KIF26A: variants seen among roughly 807,000 people sequenced by gnomAD.
KIF26A encodes kinesin-like protein KIF26A.
KIF26A carries 74 observed loss-of-function variants against 126.0 expected under a neutral mutation model. That is an observed-to-expected ratio of 0.59 (90% CI 0.49 to 0.71). The LOEUF (loss-of-function observed/expected upper bound fraction) is 0.71, where lower values mean the gene tolerates loss of function less well. KIF26A is among the 30% of genes least tolerant of loss of function. The pLI, the probability that KIF26A is intolerant of heterozygous loss-of-function variation, is 0.00. For synonymous variants in KIF26A, 1,445 were observed against 1,232.7 expected, an observed-to-expected ratio of 1.17 and a Z score of -3.61; for missense variants, 2,984 against 2,763.3, an observed-to-expected ratio of 1.08 and a Z score of -1.79.
chr14:104,162,218 C>G (rs1419859729), intron 4 of KIF26A, among the ~76,000 whole-genome samples: 1 of 152,200 alleles, frequency 6.6e-6, no homozygotes, highest in East Asian at 1.9e-4. Context: ...GGGGTGCAGC[C>G]TGTTGGCGAT....
Position 104,173,694 on chromosome 14 carries a change from TTGTGGTTCCA to T in KIF26A, c.1868-11_1868-2del. 6.2e-7 allele frequency: 1 copy of T among 1,610,186 alleles called. No individual in the cohort carries two copies. The highest frequency in any genetic ancestry group is 8.5e-7 in the Non-Finnish European group (1 of 1,179,238). On this transcript the variant is annotated splice_acceptor_variant and splice_polypyrimidine_tract_variant and intron_variant, in intron 9 of 14. Transcript: ENST00000423312. LOFTEE classifies it high-confidence loss of function. The stretch of plus-strand genomic sequence containing the variant: ...CTGGCTACACCATCATTTGCTTGCC[TTGTGGTTCCA>T]GTGTCCGGAGGCCGCAGCCGCCTGC...
chr14:104,142,917 G>A (rs960014061), intron 2 of KIF26A, among the ~76,000 whole-genome samples: 1 of 152,116 alleles, frequency 6.6e-6, no homozygotes. Context: ...CCGGCTATCC[G>A]CCCCTCAAAA....
At chr14:104,178,368 G>C (rs1396280327) in intron 12 of KIF26A, among the ~76,000 whole-genome samples, 182 bp from the exon 13 acceptor site, 1 of 152,086 alleles carries the variant, frequency 6.6e-6, no homozygotes, top group Non-Finnish European at 1.5e-5. Context: ...CTTGAGAGCT[G>C]TGGGCCTGGC....
In KIF26A at chr14:104,138,601, C is replaced by A; in HGVS notation, c.-122C>A. 2 of 768,060 alleles carry A rather than the reference C, an allele frequency of 2.6e-6. No individual in the cohort carries two copies. Among genetic ancestry groups the A allele is most frequent in the Non-Finnish European group, 3.4e-6 (2 of 583,876 alleles). The allele number at this position is 768,060 out of a possible 1,614,324, so 47.6% of individuals were successfully genotyped here. On this transcript the variant is annotated 5_prime_UTR_variant, in exon 1 of 15. Transcript: ENST00000423312. ...CTCCTCGCGACACTCGCAGGCTCTGCGAACTTCCGAGCGGCTGGGCCGGGC... is the reference window on the plus strand; with the variant it reads ...CTCCTCGCGACACTCGCAGGCTCTGAGAACTTCCGAGCGGCTGGGCCGGGC...
At chr14:104,145,540 G>C (rs906513124) in intron 2 of KIF26A, among the ~76,000 whole-genome samples, 1 of 152,206 alleles carries the variant, frequency 6.6e-6, no homozygotes, top group South Asian at 2.1e-4. Context: ...TGGGATGGTC[G>C]TGCTTGCGTC....
At chr14:104,155,676 G>C (rs1455148231) in intron 3 of KIF26A, among the ~76,000 whole-genome samples, 1 of 152,256 alleles carries the variant, frequency 6.6e-6, no homozygotes, top group Non-Finnish European at 1.5e-5. Context: ...CGTCCCGGCG[G>C]ATGGGGCGGT....
intron 2 of KIF26A, among the ~76,000 whole-genome samples, chr14:104,143,921 G>T (rs112867021): frequency 2.8e-4 from 42 of 152,250 alleles, no homozygotes; most frequent in Non-Finnish European, 4.4e-4. Context: ...GGCAGGCGGG[G>T]CACTGGCTAA....
intron 2 of KIF26A, among the ~76,000 whole-genome samples, chr14:104,147,003 A>G (rs2037686136): frequency 6.6e-6 from 1 of 151,968 alleles, no homozygotes. Flanking sequence ...CTGCCCAGGG[A>G]TGCCTGGGGC....
At chr14:104,156,999 G>GA (rs1188087475) in intron 3 of KIF26A, among the ~76,000 whole-genome samples, 3 of 152,148 alleles carry the variant, frequency 2.0e-5, no homozygotes, top group Non-Finnish European at 1.5e-5. Context: ...AGGGGCCGGG[G>GA]CGAGGGGTGG....
chr14:104,174,359 G>A, intron 11 of KIF26A, 49 bp downstream of exon 11: 1 of 1,469,022 alleles, frequency 6.8e-7, no homozygotes, highest in East Asian at 2.6e-5. Flanking sequence ...CTCGGCTCCT[G>A]TGTCCACTGC....
Position 104,174,225 on chromosome 14 carries a change from C to T in KIF26A, c.2108C>T (p.Ser703Leu), listed in dbSNP as rs759367772. Reference sequence around the variant, plus strand: ...CGCACCACCATGATCGCCCACGTGTCGGATGCGCCAGCCCAGCACGCAGAG... The same window carrying T: ...CGCACCACCATGATCGCCCACGTGTTGGATGCGCCAGCCCAGCACGCAGAG... ...GCRTTMIAHV[S>L]DAPAQHAETL... is the part of the protein sequence containing the mutation. The change falls in exon 11 of 15, where the codon TCG becomes TTG. Residue 703 changes from serine (S) to leucine (L), a missense_variant. Ser to Leu is a moderately radical substitution (Grantham distance 145, BLOSUM62 -2). Coordinates refer to ENST00000423312, the MANE Select transcript of KIF26A (RefSeq NM_015656.2). The T allele has an allele frequency of 1.9e-6, 3 of 1,581,264 alleles. No homozygotes were observed. The highest frequency in any genetic ancestry group is 1.8e-5 in the Admixed American group (1 of 55,546).
chr14:104,168,096 C>T (rs2037923820), intron 5 of KIF26A, among the ~76,000 whole-genome samples: 1 of 152,234 alleles, frequency 6.6e-6, no homozygotes, highest in Non-Finnish European at 1.5e-5. Context: ...CCCTCGCAGT[C>T]CTGGTGAGAG....
intron 12 of KIF26A, 113 bp from the exon 13 acceptor site, chr14:104,178,437 G>T: frequency 2.6e-6 from 2 of 778,258 alleles, no homozygotes; most frequent in South Asian, 2.3e-5. Context: ...TCCTGGACTG[G>T]ATCCCGAAGG....
At chr14:104,147,043 C>T (rs914487794) in intron 2 of KIF26A, among the ~76,000 whole-genome samples, 9 of 152,100 alleles carry the variant, frequency 5.9e-5, no homozygotes, top group South Asian at 2.1e-4. Context: ...GATTTGAAAC[C>T]GAGTCCACGG....
chr14:104,179,806 A>G lies in KIF26A; in HGVS notation c.*16A>G. The G allele has an allele frequency of 1.3e-6, 2 of 1,511,776 alleles. No individual in the cohort carries two copies. The highest frequency in any genetic ancestry group is 8.9e-7 in the Non-Finnish European group (1 of 1,129,604). The allele number at this position is 1,511,776 out of a possible 1,614,324, so 93.6% of individuals were successfully genotyped here. On this transcript the variant is annotated 3_prime_UTR_variant, in exon 15 of 15. Coordinates refer to ENST00000423312, the MANE Select transcript of KIF26A (RefSeq NM_015656.2). ...GGACGTCTGAGGCTGGGCGCCGGAC[A>G]AGAGGAGGGGGCGTGCAGCGGGCTG...
At chr14:104,147,612 C>T (rs1451514627) in intron 2 of KIF26A, among the ~76,000 whole-genome samples, 1 of 152,182 alleles carries the variant, frequency 6.6e-6, no homozygotes, top group Non-Finnish European at 1.5e-5. Context: ...CCGCTCCTTG[C>T]CCCCCGCCCT....
intron 2 of KIF26A, among the ~76,000 whole-genome samples, chr14:104,149,739 C>T (rs1362651810): frequency 1.3e-5 from 2 of 152,198 alleles, no homozygotes; most frequent in African/African-American, 2.4e-5. Context: ...CTCCACTCTC[C>T]TTCCTGCCTC....
At position 104,177,132 on chromosome 14, in the gene KIF26A, C is replaced by T. The variant is rs752247136; in HGVS notation, c.4344C>T (p.Ser1448=). ...GGTACGAAGGCCTGGCGCACAGCAG[C>T]AGCAAGGGCCGGGAAGCCCCTGGGC... ...LERYEGLAHS[S]SKGREAPGRP... is the part of the protein sequence containing the mutation. The change falls in exon 12 of 15, where the codon AGC becomes AGT. Residue 1448 remains serine, a synonymous_variant. Transcript: ENST00000423312. 4.4e-6 allele frequency: 7 copies of T among 1,597,666 alleles called. No individual in the cohort carries two copies. The highest frequency in any genetic ancestry group is 5.1e-6 in the Non-Finnish European group (6 of 1,179,390).
intron 12 of KIF26A, 67 bp from the exon 13 acceptor site, chr14:104,178,483 C>A: frequency 8.1e-7 from 1 of 1,234,412 alleles, no homozygotes; most frequent in Non-Finnish European, 1.1e-6. Flanking sequence ...TCCGCAGCGT[C>A]CCCGCAGGGG....
Sources: gnomAD v4.1 joint callset for allele counts (sites outside exome capture counted in the v4.1 genomes callset) on GRCh38, gnomAD v4.1.1 for gene constraint, MANE v1.5 for transcripts, NCBI Gene and HGNC (gene_info 2026-07-23, HGNC 2026-07-21) for gene names.